Variants in PDK1 observed in about 807,000 individuals in gnomAD.
The protein encoded by PDK1 is pyruvate dehydrogenase kinase 1, also known as [Pyruvate dehydrogenase (acetyl-transferring)] kinase isozyme 1, mitochondrial.
PDK1 carries 39 observed loss-of-function variants against 54.2 expected under a neutral mutation model. That is an observed-to-expected ratio of 0.72 (90% CI 0.56 to 0.94). PDK1 has a LOEUF of 0.94. Among genes scored for constraint, PDK1 ranks in the 40% least tolerant of loss-of-function variants. PDK1 has a pLI of 0.00. For missense variants in PDK1, 552 were observed against 566.0 expected (o/e 0.98, Z 0.25); for synonymous variants, 221 against 207.1 (o/e 1.07, Z -0.58).
At chr2:172,707,442 A>G in the PDK1 span, among the ~76,000 whole-genome samples, 7 of 151,974 alleles carry the variant, frequency 4.6e-5, no homozygotes, top group African/African-American at 1.7e-4. Context: ...TTGCCAGGGT[A>G]CCCCTTTCCT....
At chr2:172,708,128 C>T in the PDK1 span, among the ~76,000 whole-genome samples, 1 of 151,846 alleles carries the variant, frequency 6.6e-6, no homozygotes, top group South Asian at 2.1e-4. Flanking sequence ...ATGGTGAAAC[C>T]CTGTCTCTAC....
chr2:172,678,092 C>A, the PDK1 span, among the ~76,000 whole-genome samples: 1 of 152,066 alleles, frequency 6.6e-6, no homozygotes, highest in South Asian at 2.1e-4. Context: ...ATCCCTTGAA[C>A]CCAGAAGACG....
chr2:172,633,817 ATTG>A, the PDK1 span, among the ~76,000 whole-genome samples: 6 of 117,860 alleles, frequency 5.1e-5, no homozygotes, highest in Admixed American at 5.2e-4. Flanking sequence ...CCTTCCCAGT[ATTG>A]TTTTATGGAT....
chr2:172,556,375 T>G, intron 1 of PDK1, 29 bp downstream of exon 1: 3 of 1,386,146 alleles, frequency 2.2e-6, no homozygotes, highest in Non-Finnish European at 2.8e-6. Context: ...CTTGGGCCTT[T>G]TTGCGCGGTC....
the PDK1 span, among the ~76,000 whole-genome samples, chr2:172,629,781 G>A: frequency 6.6e-6 from 1 of 152,186 alleles, no homozygotes; most frequent in Non-Finnish European, 1.5e-5. Flanking sequence ...TGCTGCTGCA[G>A]GCCCGCATGG....
chr2:172,616,194 A>AG, the PDK1 span, among the ~76,000 whole-genome samples: 2 of 151,830 alleles, frequency 1.3e-5, no homozygotes, highest in South Asian at 4.3e-4. Flanking sequence ...CCAATTTAGC[A>AG]GTTTTTTTGT....
chr2:172,635,677 CG>C, the PDK1 span, among the ~76,000 whole-genome samples: 1 of 152,280 alleles, frequency 6.6e-6, no homozygotes, highest in Non-Finnish European at 1.5e-5. Context: ...TTACAGACCC[CG>C]GGAGAGACTG....
At chr2:172,569,154 A>G (rs1689117976) in intron 7 of PDK1, among the ~76,000 whole-genome samples, 2 of 152,258 alleles carry the variant, frequency 1.3e-5, no homozygotes, top group Non-Finnish European at 1.5e-5. Flanking sequence ...ACTATTGGGA[A>G]TAACATACTA....
At chr2:172,696,489 T>C in the PDK1 span, among the ~76,000 whole-genome samples, 4 of 152,262 alleles carry the variant, frequency 2.6e-5, no homozygotes. Flanking sequence ...TGAAAGGCTA[T>C]AGAACATCTT....
In PDK1 at chr2:172,556,251, C is replaced by G; in HGVS notation, c.101C>G (p.Ser34Cys). The G allele has an allele frequency of 2.0e-6, 3 of 1,473,912 alleles. No homozygotes were observed. The highest frequency in any genetic ancestry group is 2.7e-6 in the Non-Finnish European group (3 of 1,118,808). The allele number at this position is 1,473,912 out of a possible 1,614,324, so 91.3% of individuals were successfully genotyped here. The change falls in exon 1 of 11, where the codon TCC becomes TGC. Residue 34 changes from serine to cysteine, a missense_variant. Coordinates refer to ENST00000282077, the MANE Select transcript of PDK1 (RefSeq NM_002610.5). The part of the protein sequence containing the change: ...FSRSFSSDSG[S>C]SPASERGVPG... ...CGCAGCTTCAGCTCGGACTCGGGCT[C>G]CAGCCCGGCGTCCGAGCGCGGCGTT...
chr2:172,715,591 A>T, the PDK1 span, among the ~76,000 whole-genome samples: 1 of 152,182 alleles, frequency 6.6e-6, no homozygotes, highest in Non-Finnish European at 1.5e-5. Flanking sequence ...TTGTTATGTG[A>T]CAACTGCCCG....
the PDK1 span, among the ~76,000 whole-genome samples, chr2:172,656,911 C>A: frequency 6.6e-6 from 1 of 152,184 alleles, no homozygotes; most frequent in African/African-American, 2.4e-5. Flanking sequence ...GGAGGTAAGA[C>A]TCAAGACAAG....
At chr2:172,707,276 C>T in the PDK1 span, among the ~76,000 whole-genome samples, 58 of 152,072 alleles carry the variant, frequency 3.8e-4, no homozygotes, top group Non-Finnish European at 4.0e-4. Context: ...ACCCTGGGAG[C>T]GGGAGGAAGG....
At chr2:172,562,672 A>G in intron 3 of PDK1, 2 of 859,216 alleles carry the variant, frequency 2.3e-6, no homozygotes, top group South Asian at 1.4e-5. Flanking sequence ...CTACAAGTCT[A>G]GATTTGTAAT....
At position 172,597,435 on chromosome 2, in the gene PDK1, A is replaced by C. The variant is rs551217730; in HGVS notation, c.*1466A>C. ...GCACAAGTCTTGACAAACAACATAT[A>C]TTTTCTAAAACTATCCAGATTTCAT... On this transcript the variant is annotated 3_prime_UTR_variant, in exon 11 of 11. Transcript: ENST00000282077. The C allele has an allele frequency of 6.6e-6, 1 of 152,022 alleles. No homozygotes were observed. Among genetic ancestry groups the C allele is most frequent in the Non-Finnish European group, 1.5e-5 (1 of 68,018 alleles). The allele number at this position is 152,022 out of a possible 1,614,324, so 9.4% of individuals were successfully genotyped here.
chr2:172,561,481 C>T (rs149563347), intron 2 of PDK1, among the ~76,000 whole-genome samples: 2 of 152,204 alleles, frequency 1.3e-5, no homozygotes, highest in African/African-American at 4.8e-5. Flanking sequence ...AAAGTGCTTA[C>T]AGCCAAGTGG....
intron 5 of PDK1, 22 bp from the exon 6 acceptor site, chr2:172,566,829 TTTTTG>T (rs1250381426): frequency 6.7e-7 from 1 of 1,501,760 alleles, no homozygotes; most frequent in Non-Finnish European, 9.2e-7. Flanking sequence ...ATTAAATCCT[TTTTTG>T]TTTTGTTTTG....
the PDK1 span, among the ~76,000 whole-genome samples, chr2:172,664,072 G>A: frequency 6.6e-6 from 1 of 151,234 alleles, no homozygotes; most frequent in Non-Finnish European, 1.5e-5. Context: ...AGCACTTTGG[G>A]AGGCTGAGGA....
the PDK1 span, among the ~76,000 whole-genome samples, chr2:172,659,509 T>G: frequency 6.6e-6 from 1 of 152,166 alleles, no homozygotes; most frequent in Non-Finnish European, 1.5e-5. Context: ...CTTCTGTTGA[T>G]CTGTCTTATG....
Sources: allele counts gnomAD v4.1 joint callset (sites outside exome capture counted in the v4.1 genomes callset), GRCh38; gene constraint gnomAD v4.1.1; transcripts MANE v1.5; gene names NCBI Gene and HGNC (gene_info 2026-07-23, HGNC 2026-07-21).